Variants in DLGAP2 observed in about 807,000 individuals in gnomAD.
The protein encoded by DLGAP2 is DLG associated protein 2, also known as disks large-associated protein 2.
In DLGAP2, 26 loss-of-function variants were observed where a neutral mutation model predicts 100.3. That is an observed-to-expected ratio of 0.26 (90% confidence interval 0.19 to 0.36). The LOEUF (loss-of-function observed/expected upper bound fraction) is 0.36. Ranked by LOEUF, DLGAP2 falls within the 10% of genes least tolerant of loss-of-function variation. The probability of loss-of-function intolerance (pLI) is 1.00; values close to 1 mark genes in which losing one functional copy is unlikely to be tolerated. For synonymous variants in DLGAP2, 886 were observed against 630.1 expected, an observed-to-expected ratio of 1.41 and a Z score of -6.08; for missense variants, 1,858 against 1,453.2, an observed-to-expected ratio of 1.28 and a Z score of -4.53.
At chr8:1,064,255 T>G (rs1803176531) in intron 2 of DLGAP2, among the ~76,000 whole-genome samples, 1 of 152,214 alleles carries the variant, frequency 6.6e-6, no homozygotes, top group Admixed American at 6.5e-5. Flanking sequence ...GTCAACTTAT[T>G]TATGGTTAAA....
intron 3 of DLGAP2, among the ~76,000 whole-genome samples, chr8:1,495,626 T>G (rs752223221): frequency 7.4e-4 from 113 of 152,340 alleles, no homozygotes; most frequent in Non-Finnish European, 1.3e-3. Context: ...GGGAAGCCTC[T>G]TCCTGGAGGA....
chr8:877,266 A>G (rs1298074191), intron 1 of DLGAP2, among the ~76,000 whole-genome samples: 2 of 152,174 alleles, frequency 1.3e-5, no homozygotes. Flanking sequence ...AGTTCTTGCC[A>G]GTGATAGTGG....
At chr8:823,444 T>C (rs1796625859) in intron 1 of DLGAP2, among the ~76,000 whole-genome samples, 2 of 152,164 alleles carry the variant, frequency 1.3e-5, no homozygotes, top group South Asian at 2.1e-4. Context: ...TTATTTGTAC[T>C]GTGAATTAGT....
chr8:927,066 G>A (rs1798832351), intron 2 of DLGAP2: 1 of 985,324 alleles, frequency 1.0e-6, no homozygotes, highest in Admixed American at 6.1e-5. Flanking sequence ...CGATGTGGGA[G>A]AGATCCTCGT....
In DLGAP2 at chr8:1,455,416, T is replaced by A. The variant is rs192084020; in HGVS notation, c.107-45950T>A. On this transcript the variant is annotated intron_variant, in intron 3 of 14. Transcript: ENST00000637795. ...TCGGGGTCCCAGGGGGACCCTGGTC[T>A]GTCAGGACTCAGCTGTCGGGGAGAG... 1.1e-3 allele frequency among the ~76,000 whole-genome samples: 171 copies of A among 152,340 alleles called. 1 individual carries two copies. The highest frequency in any genetic ancestry group is 3.8e-3 in the African/African-American group (160 of 41,598).
chr8:1,288,980 G>A (rs1800000174), intron 3 of DLGAP2, among the ~76,000 whole-genome samples: 2 of 152,176 alleles, frequency 1.3e-5, no homozygotes, highest in African/African-American at 4.8e-5. Context: ...ATGCATTAGA[G>A]TTACTGAATT....
chr8:771,350 C>G (rs1821354589), intron 1 of DLGAP2, among the ~76,000 whole-genome samples: 1 of 152,142 alleles, frequency 6.6e-6, no homozygotes, highest in African/African-American at 2.4e-5. Context: ...GATTTAAATA[C>G]GTTTCATAGA....
chr8:738,008 G>T, intron 1 of DLGAP2, 183 bp downstream of exon 1: 1 of 319,710 alleles, frequency 3.1e-6, no homozygotes, highest in Non-Finnish European at 5.7e-6. Context: ...GACAGCCTGT[G>T]CTCGGGGGTC....
At chr8:960,556 C>A (rs1272596730) in intron 2 of DLGAP2, among the ~76,000 whole-genome samples, 1 of 151,988 alleles carries the variant, frequency 6.6e-6, no homozygotes, top group Non-Finnish European at 1.5e-5. Context: ...CTTCTGTGAT[C>A]GTAAATCTCC....
At chr8:1,276,459 G>C (rs1210181906) in intron 3 of DLGAP2, among the ~76,000 whole-genome samples, 2 of 152,088 alleles carry the variant, frequency 1.3e-5, no homozygotes, top group South Asian at 2.1e-4. Flanking sequence ...GAAGGGTGAG[G>C]GGGGACGGGA....
At position 1,678,301 on chromosome 8, in the gene DLGAP2, G is replaced by A. The variant is rs149482724; in HGVS notation, c.2376G>A (p.Thr792=). ...ELEGFPGHIT[T]EDKGLQFGSS... Reference sequence around the variant, plus strand: ...AGGGGTTCCCAGGCCACATCACCACGGAGGACAAAGGCCTTCAGTTCGGCT... The same window carrying A: ...AGGGGTTCCCAGGCCACATCACCACAGAGGACAAAGGCCTTCAGTTCGGCT... The change falls in exon 12 of 15, where the codon ACG becomes ACA. Residue 792 remains threonine, a synonymous_variant. Coordinates refer to ENST00000637795, the MANE Select transcript of DLGAP2 (RefSeq NM_001346810.2). 1.1e-3 allele frequency: 1,756 copies of A among 1,609,724 alleles called. 3 individuals are homozygous for A. The highest frequency in any genetic ancestry group is 2.6e-3 in the Middle Eastern group (16 of 6,056).
At chr8:1,127,280 C>T (rs931392407) in intron 2 of DLGAP2, among the ~76,000 whole-genome samples, 1 of 151,770 alleles carries the variant, frequency 6.6e-6, no homozygotes, top group Non-Finnish European at 1.5e-5. Flanking sequence ...GGGGTGACTC[C>T]AGGTCGGGTG....
chr8:1,278,285 TC>T (rs1799746583), intron 3 of DLGAP2, among the ~76,000 whole-genome samples: 1 of 152,198 alleles, frequency 6.6e-6, no homozygotes, highest in Non-Finnish European at 1.5e-5. Context: ...TTCTAAGATC[TC>T]TTCCAGTTGT....
intron 1 of DLGAP2, among the ~76,000 whole-genome samples, chr8:898,969 C>G (rs1040952342): frequency 1.3e-5 from 2 of 152,198 alleles, no homozygotes. Flanking sequence ...GGCCCTGCCC[C>G]AGAACTCCTG....
chr8:1,637,202 G>A (rs1797787261), intron 8 of DLGAP2, among the ~76,000 whole-genome samples: 1 of 152,218 alleles, frequency 6.6e-6, no homozygotes, highest in African/African-American at 2.4e-5. Flanking sequence ...CTGGCAAGGA[G>A]GCCCTGCAGC....
chr8:1,121,552 C>T (rs1439807544), intron 2 of DLGAP2, among the ~76,000 whole-genome samples: 1 of 151,824 alleles, frequency 6.6e-6, no homozygotes, highest in Admixed American at 6.6e-5. Context: ...AACTCATGAC[C>T]ACCCATCTTC....
intron 3 of DLGAP2, among the ~76,000 whole-genome samples, chr8:1,408,366 G>A (rs1796635273): frequency 6.6e-6 from 1 of 152,168 alleles, no homozygotes; most frequent in South Asian, 2.1e-4. Flanking sequence ...TCTCATCAGG[G>A]GAGAAATCAG....
chr8:1,189,486 C>T (rs1323568424), intron 2 of DLGAP2, among the ~76,000 whole-genome samples: 1 of 152,194 alleles, frequency 6.6e-6, no homozygotes, highest in Non-Finnish European at 1.5e-5. Flanking sequence ...TTTATCCACT[C>T]AAGCAACTAG....
At chr8:1,352,692 T>C (rs1011820003) in intron 3 of DLGAP2, among the ~76,000 whole-genome samples, 2 of 152,222 alleles carry the variant, frequency 1.3e-5, no homozygotes, top group African/African-American at 4.8e-5. Context: ...ACGTTCCTTC[T>C]TTACATGACT....
Sources: gnomAD v4.1 joint callset for allele counts (sites outside exome capture counted in the v4.1 genomes callset) on GRCh38, gnomAD v4.1.1 for gene constraint, MANE v1.5 for transcripts, NCBI Gene and HGNC (gene_info 2026-07-23, HGNC 2026-07-21) for gene names.